SHROOM3: variants seen among roughly 807,000 people sequenced by gnomAD.
The protein encoded by SHROOM3 is protein Shroom3.
In SHROOM3, 47 loss-of-function variants were observed where a neutral mutation model predicts 138.6. The observed-to-expected ratio is 0.34, with a 90% CI of 0.27 to 0.43. The LOEUF is 0.43. Among genes scored for constraint, SHROOM3 ranks in the 20% least tolerant of loss-of-function variants. The pLI is 1.00. For synonymous variants in SHROOM3, 1,062 were observed against 1,063.3 expected (o/e 1.00, Z 0.02); for missense variants, 2,491 against 2,596.5 (o/e 0.96, Z 0.88).
At chr4:76,443,113 A>T (rs775791121) in intron 1 of SHROOM3, among the ~76,000 whole-genome samples, 1 of 152,200 alleles carries the variant, frequency 6.6e-6, no homozygotes. Flanking sequence ...AGGGAAACTC[A>T]TGTTTTTCTT....
intron 9 of SHROOM3, among the ~76,000 whole-genome samples, chr4:76,770,346 A>C (rs868658277): frequency 2.8e-5 from 4 of 143,172 alleles, no homozygotes; most frequent in East Asian, 2.0e-4. Flanking sequence ...AAAAAAAAAA[A>C]AAAAACAGAA....
intron 2 of SHROOM3, among the ~76,000 whole-genome samples, chr4:76,618,700 TCTC>T (rs1387014349): frequency 6.6e-6 from 1 of 152,248 alleles, no homozygotes; most frequent in Non-Finnish European, 1.5e-5. Flanking sequence ...ACATGGATAT[TCTC>T]TTTTATAGCT....
chr4:76,693,529 A>G (rs6817072), intron 2 of SHROOM3, among the ~76,000 whole-genome samples: 105,459 of 151,266 alleles, frequency 0.7, 38,733 homozygotes, highest in East Asian at 0.94. Context: ...GACTACAGGC[A>G]CATGCCACTA....
rs111815461 is a variant in SHROOM3, at chr4:76,740,316, C to A, written c.2143C>A (p.His715Asn). The change falls in exon 5 of 11, where the codon CAT (histidine) becomes AAT (asparagine). Residue 715 changes from histidine (H) to asparagine (N), a missense_variant. Around this residue, in one of 4 missense-constraint regions of SHROOM3, gnomAD observed 1,733 missense variants for 1,661.6 expected, o/e 1.04. Coordinates refer to ENST00000296043, the MANE Select transcript of SHROOM3 (RefSeq NM_020859.4). This position sits in a 1 kb window ranked among gnomAD's most constrained non-coding sequence, Gnocchi z 4.0. Reference sequence around the variant, plus strand: ...GAAAGCCGCTCCTGACCTCGGGAGCCATCTGGACCGGCAGGTTTCCTACCC... The same window carrying A: ...GAAAGCCGCTCCTGACCTCGGGAGCAATCTGGACCGGCAGGTTTCCTACCC... ...GRKAAPDLGS[H>N]LDRQVSYPRP... 2.5e-6 allele frequency: 4 copies of A among 1,613,042 alleles called. No individual in the cohort carries two copies. The African/African-American group carries it at 4.0e-5, about 16-fold the overall frequency.
intron 3 of SHROOM3, among the ~76,000 whole-genome samples, chr4:76,719,071 G>T (rs770214242): frequency 3.3e-5 from 5 of 152,100 alleles, no homozygotes; most frequent in Non-Finnish European, 5.9e-5. Flanking sequence ...CTCCTCATTT[G>T]TCTGCCAGCA....
intron 2 of SHROOM3, among the ~76,000 whole-genome samples, chr4:76,705,325 C>CAACAACAACAAA (rs1720020742): frequency 6.6e-6 from 1 of 151,924 alleles, no homozygotes; most frequent in African/African-American, 2.4e-5. Flanking sequence ...ACAACAACAA[C>CAACAACAACAAA]AACAACAACA....
At chr4:76,654,222 G>A (rs1021358730) in intron 2 of SHROOM3, among the ~76,000 whole-genome samples, 2 of 152,160 alleles carry the variant, frequency 1.3e-5, no homozygotes, top group African/African-American at 4.8e-5. Context: ...TGTAAGATAA[G>A]ACACAGGTGA....
intron 5 of SHROOM3, among the ~76,000 whole-genome samples, chr4:76,745,716 C>A (rs568349735): frequency 6.6e-6 from 1 of 152,306 alleles, no homozygotes; most frequent in African/African-American, 2.4e-5. Flanking sequence ...TGCAGTGGTG[C>A]ACACCTGTAA....
rs750963148 is a variant in SHROOM3, at chr4:76,749,087, C to G, written c.3824C>G (p.Ser1275Cys). ...KDPCYLAGPG[S>C]RSLSCSERGQ... ...CCATGTTATTTGGCTGGTCCTGGAT[C>G]TAGGTATGTACATGTACTTATGATG... Residue 1275 changes from serine to cysteine, a missense_variant, in exon 6 of 11, where the codon TCT becomes TGT. By Grantham distance (112) the Ser-to-Cys change is moderately radical (BLOSUM62 -1). Coordinates refer to ENST00000296043, the MANE Select transcript of SHROOM3 (RefSeq NM_020859.4). 2.5e-6 allele frequency: 4 copies of G among 1,613,726 alleles called. No homozygotes were observed. Among genetic ancestry groups the G allele is most frequent in the Non-Finnish European group, 3.4e-6 (4 of 1,179,688 alleles).
chr4:76,772,621 T>C lies in SHROOM3; in HGVS notation c.5622+1723T>C, dbSNP rs77306086. On this transcript the variant is annotated intron_variant, in intron 10 of 10. Transcript: ENST00000296043. ...TGTAAATGTGCTGAGTCAGCTTCCT[T>C]ATCTAGAAATAGTCTGATACTACCT... Among the ~76,000 whole-genome samples the C allele has an allele frequency of 5.2e-3, 791 of 152,292 alleles. 3 individuals are homozygous for C. In the Middle Eastern group the frequency reaches 0.054, roughly 10 times the overall value.
chr4:76,459,268 G>T (rs547750915), intron 1 of SHROOM3, among the ~76,000 whole-genome samples: 1 of 152,194 alleles, frequency 6.6e-6, no homozygotes, highest in African/African-American at 2.4e-5. Flanking sequence ...TTATAATTGT[G>T]TAGAATTGTA....
At chr4:76,648,930 C>T (rs186901350) in intron 2 of SHROOM3, among the ~76,000 whole-genome samples, 3 of 152,046 alleles carry the variant, frequency 2.0e-5, no homozygotes, top group Admixed American at 1.3e-4. Flanking sequence ...AGGAAACTAT[C>T]GTCAAAATTA....
At chr4:76,573,071 A>G (rs1733863479) in intron 2 of SHROOM3, among the ~76,000 whole-genome samples, 1 of 151,696 alleles carries the variant, frequency 6.6e-6, no homozygotes, top group Non-Finnish European at 1.5e-5. Flanking sequence ...ACAGAGCTAG[A>G]CACTGTCTCA....
At chr4:76,666,662 G>A (rs1044722382) in intron 2 of SHROOM3, among the ~76,000 whole-genome samples, 2 of 152,044 alleles carry the variant, frequency 1.3e-5, no homozygotes, top group African/African-American at 4.8e-5. Context: ...AAACCAAAAC[G>A]AGAATGTGGG....
intron 2 of SHROOM3, among the ~76,000 whole-genome samples, chr4:76,604,167 G>A (rs1288548114): frequency 6.6e-6 from 1 of 152,110 alleles, no homozygotes; most frequent in Non-Finnish European, 1.5e-5. Flanking sequence ...CAGTCTTCAG[G>A]CAGCCAAGGA....
chr4:76,553,236 C>T (rs1008425072), intron 1 of SHROOM3, among the ~76,000 whole-genome samples: 5 of 152,068 alleles, frequency 3.3e-5, no homozygotes, highest in African/African-American at 1.2e-4. Flanking sequence ...AATCTCGGCC[C>T]ACTGCACCTC....
rs1730541405 is a variant in SHROOM3, at chr4:76,435,358, C to G, written c.-695C>G. 2 of 151,816 alleles carry G rather than the reference C, an allele frequency of 1.3e-5. No homozygotes were observed. Among genetic ancestry groups the G allele is most frequent in the South Asian group, 4.2e-4 (2 of 4,804 alleles). 9.4% of individuals were successfully genotyped at this position (151,816 alleles called of 1,614,324 possible). On this transcript the variant is annotated 5_prime_UTR_variant, in exon 1 of 11. Transcript: ENST00000296043. ...TTCCATTGAGGATTAATTTACCGTG[C>G]TTTTTCATTTTCTCTACATCCTGCA...
intron 2 of SHROOM3, among the ~76,000 whole-genome samples, chr4:76,612,862 G>T (rs138611559): frequency 6.6e-6 from 1 of 152,162 alleles, no homozygotes; most frequent in Non-Finnish European, 1.5e-5. Flanking sequence ...ATCACTTGAA[G>T]CCAGGAGTTT....
intron 2 of SHROOM3, among the ~76,000 whole-genome samples, chr4:76,557,632 C>T (rs184855461): frequency 1.1e-3 from 165 of 152,314 alleles, no homozygotes; most frequent in African/African-American, 3.7e-3. Flanking sequence ...TACACACACA[C>T]AGGTAACTGT....
Sources: allele counts gnomAD v4.1 joint callset (sites outside exome capture counted in the v4.1 genomes callset), GRCh38; gene constraint gnomAD v4.1.1; regional missense constraint gnomAD v4.1.1; non-coding constraint Gnocchi (gnomAD v3.1); transcripts MANE v1.5; gene names NCBI Gene and HGNC (gene_info 2026-07-23, HGNC 2026-07-21).